Variants in TSPAN12 observed in about 807,000 individuals in gnomAD.
TSPAN12 encodes tetraspanin-12.
A neutral mutation model predicts 39.2 loss-of-function variants in TSPAN12; 19 were observed. The observed-to-expected ratio is 0.49, with a 90% CI of 0.34 to 0.71. The LOEUF is 0.71. Ranked by LOEUF, TSPAN12 falls within the 30% of genes least tolerant of loss-of-function variation. The pLI is 0.01. For synonymous variants in TSPAN12, 119 were observed against 124.8 expected (o/e 0.95, Z 0.31); for missense variants, 314 against 359.9 (o/e 0.87, Z 1.03).
intron 2 of TSPAN12, among the ~76,000 whole-genome samples, chr7:120,854,290 T>C (rs543349537): frequency 2.0e-5 from 3 of 152,308 alleles, no homozygotes; most frequent in Admixed American, 6.5e-5. Flanking sequence ...GTAGCAATAG[T>C]AGCAGTATTA....
chr7:120,838,672 G>T, intron 4 of TSPAN12, 105 bp downstream of exon 4: 1 of 1,203,264 alleles, frequency 8.3e-7, no homozygotes, highest in Non-Finnish European at 1.2e-6. Context: ...CTTACAGGAT[G>T]TTGTTACTGC....
Position 120,850,048 on chromosome 7 carries a change from G to A in TSPAN12, c.66+6650C>T, listed in dbSNP as rs561327484. On this transcript the variant is annotated intron_variant, in intron 2 of 7. Transcript: ENST00000222747. ...CTCAGCTTCCCTCTACCAGGGGAAG[G>A]GCAGAAGGAAAGAGAGCAAACAGGT... is the stretch of plus-strand genomic sequence containing the variant. 3.3e-5 allele frequency among the ~76,000 whole-genome samples: 5 copies of A among 152,260 alleles called. No homozygotes were observed. The East Asian group carries it at 5.8e-4, about 18-fold the overall frequency.
chr7:120,792,376 CAGTT>C (rs1793545006), intron 7 of TSPAN12, among the ~76,000 whole-genome samples: 1 of 152,230 alleles, frequency 6.6e-6, no homozygotes, highest in Admixed American at 6.5e-5. Context: ...TTACCAACGA[CAGTT>C]AGAGGTAACT....
chr7:120,822,563 C>T (rs142833535), intron 4 of TSPAN12, among the ~76,000 whole-genome samples: 1 of 152,118 alleles, frequency 6.6e-6, no homozygotes, highest in Non-Finnish European at 1.5e-5. Flanking sequence ...CCTCAGCAGT[C>T]CCCCAAAAGC....
At chr7:120,826,883 C>T (rs113237692) in intron 4 of TSPAN12, among the ~76,000 whole-genome samples, 6 of 151,980 alleles carry the variant, frequency 3.9e-5, no homozygotes, top group African/African-American at 4.8e-5. Context: ...CCACCATGCC[C>T]GGCTAATTTT....
chr7:120,815,975 A>T (rs1406117240), intron 4 of TSPAN12, among the ~76,000 whole-genome samples, 172 bp from the exon 5 acceptor site: 1 of 152,202 alleles, frequency 6.6e-6, no homozygotes, highest in Non-Finnish European at 1.5e-5. Flanking sequence ...ATCTGCAGAT[A>T]ACATTTAATA....
intron 4 of TSPAN12, among the ~76,000 whole-genome samples, chr7:120,838,311 T>C (rs1241647661): frequency 2.0e-5 from 3 of 152,212 alleles, no homozygotes; most frequent in African/African-American, 7.2e-5. Flanking sequence ...ACCAAGATTA[T>C]AGAAACTGAG....
intron 4 of TSPAN12, among the ~76,000 whole-genome samples, chr7:120,816,238 T>C (rs1272010703): frequency 1.3e-5 from 2 of 152,116 alleles, no homozygotes; most frequent in African/African-American, 4.8e-5. Flanking sequence ...CTTTGCATTC[T>C]TGGAAAAAGC....
At chr7:120,844,230 A>C (rs1355783184) in intron 2 of TSPAN12, among the ~76,000 whole-genome samples, 2 of 152,168 alleles carry the variant, frequency 1.3e-5, no homozygotes, top group Admixed American at 6.6e-5. Flanking sequence ...CACAACACTG[A>C]GGATCACAAT....
intron 1 of TSPAN12, 29 bp from the exon 2 acceptor site, chr7:120,856,862 G>C: frequency 2.3e-6 from 3 of 1,295,748 alleles, no homozygotes; most frequent in Non-Finnish European, 3.3e-6. Context: ...AGAGAACACG[G>C]GACATCTCAC....
chr7:120,833,754 C>G (rs1295803419), intron 4 of TSPAN12, among the ~76,000 whole-genome samples: 2 of 152,116 alleles, frequency 1.3e-5, no homozygotes, highest in African/African-American at 4.8e-5. Flanking sequence ...CAGCTGTTGT[C>G]AACATCATAA....
chr7:120,851,623 T>C (rs1002281186), intron 2 of TSPAN12, among the ~76,000 whole-genome samples: 1 of 152,168 alleles, frequency 6.6e-6, no homozygotes, highest in Non-Finnish European at 1.5e-5. Flanking sequence ...CTACAGAAAC[T>C]GTCTTTAAAA....
At chr7:120,828,649 T>C (rs1794333455) in intron 4 of TSPAN12, among the ~76,000 whole-genome samples, 1 of 149,112 alleles carries the variant, frequency 6.7e-6, no homozygotes, top group African/African-American at 2.5e-5. Context: ...TGTTTTTTTC[T>C]TTCTCCTTTT....
chr7:120,788,396 A>C lies in TSPAN12; in HGVS notation c.*196T>G, dbSNP rs572356695. 11 of 636,874 alleles carry C rather than the reference A, an allele frequency of 1.7e-5. No individual in the cohort carries two copies. The East Asian group carries it at 2.9e-4, about 17-fold the overall frequency. 39.5% of individuals were successfully genotyped at this position (636,874 alleles called of 1,614,324 possible). ...CATCTGTCTTCAGCATTTTAAGGGC[A>C]TCAATTATTGTCCAGGTGGTGACTT... On this transcript the variant is annotated 3_prime_UTR_variant, in exon 8 of 8. Transcript: ENST00000222747.
At chr7:120,838,689 T>C in intron 4 of TSPAN12, 88 bp downstream of exon 4, 9 of 1,398,284 alleles carry the variant, frequency 6.4e-6, no homozygotes, top group Non-Finnish European at 1.0e-6. Flanking sequence ...CTGCTATCAC[T>C]GCTCCCTAAT....
rs554562744 is a variant in TSPAN12, at chr7:120,837,315, A to ATT, written c.285+1460_285+1461dup. Among the ~76,000 whole-genome samples the ATT allele has an allele frequency of 1.1e-3, 157 of 141,046 alleles. 1 individual carries two copies. The highest frequency in any genetic ancestry group is 2.7e-3 in the East Asian group (13 of 4,802). 92.5% of individuals were successfully genotyped at this position (141,046 alleles called of 152,430 possible). On this transcript the variant is annotated intron_variant, in intron 4 of 7. Coordinates refer to ENST00000222747, the MANE Select transcript of TSPAN12 (RefSeq NM_012338.4). The stretch of plus-strand genomic sequence containing the variant: ...TGTGGTTTATTTTATTCATTTATTT[A>ATT]TTTTTTTTTTTTTTGAGATGGAGTC...
At chr7:120,798,990 T>A (rs1444902600) in intron 7 of TSPAN12, among the ~76,000 whole-genome samples, 2 of 152,188 alleles carry the variant, frequency 1.3e-5, no homozygotes, top group Non-Finnish European at 2.9e-5. Flanking sequence ...CTCCTTTTTT[T>A]GGTGCCCCAC....
chr7:120,790,073 T>C (rs745518066), intron 7 of TSPAN12, among the ~76,000 whole-genome samples: 1 of 152,124 alleles, frequency 6.6e-6, no homozygotes, highest in Non-Finnish European at 1.5e-5. Flanking sequence ...TTAAAACCTA[T>C]TGCATTTTGC....
At chr7:120,803,549 T>A (rs954236671) in intron 7 of TSPAN12, among the ~76,000 whole-genome samples, 5 of 152,204 alleles carry the variant, frequency 3.3e-5, no homozygotes, top group African/African-American at 7.2e-5. Flanking sequence ...GTAAATCAAC[T>A]ATACATATAA....
Sources: allele counts gnomAD v4.1 joint callset (sites outside exome capture counted in the v4.1 genomes callset), GRCh38; gene constraint gnomAD v4.1.1; transcripts MANE v1.5; gene names NCBI Gene and HGNC (gene_info 2026-07-23, HGNC 2026-07-21).